UMODL1: variants seen among roughly 807,000 people sequenced by gnomAD.
UMODL1 encodes the protein uromodulin like 1, also known as uromodulin-like 1.
Under a neutral mutation model 136.3 loss-of-function variants are expected in UMODL1, and 128 were observed. That is an observed-to-expected ratio of 0.94 (90% CI 0.81 to 1.09). The LOEUF (loss-of-function observed/expected upper bound fraction) is 1.09, where lower values mean the gene tolerates loss of function less well. UMODL1 is among the 50% of genes least tolerant of loss of function. UMODL1 has a pLI of 0.00. For synonymous variants in UMODL1, 721 were observed against 720.0 expected, an observed-to-expected ratio of 1.00 and a Z score of -0.02; for missense variants, 1,766 against 1,725.6, an observed-to-expected ratio of 1.02 and a Z score of -0.41.
At chr21:42,108,972 A>ACT (rs1204744349) in intron 9 of UMODL1, among the ~76,000 whole-genome samples, 8 of 65,056 alleles carry the variant, frequency 1.2e-4, no homozygotes, top group East Asian at 5.7e-4. Context: ...CCTGGCATGT[A>ACT]AAGCTGGTGT....
upstream of UMODL1, among the ~76,000 whole-genome samples, chr21:42,069,963 A>G (rs2066215360): frequency 6.6e-6 from 1 of 152,188 alleles, no homozygotes. Flanking sequence ...GGTTTTCTAT[A>G]AAAGCTGCTG....
At chr21:42,100,048 T>A (rs220319) in intron 7 of UMODL1, among the ~76,000 whole-genome samples, 47,007 of 152,048 alleles carry the variant, frequency 0.31, 7,773 homozygotes, top group Middle Eastern at 0.39. Context: ...TCTGCCCGTG[T>A]CTTGCTCCCC....
chr21:42,070,540 C>A (rs2066220659), upstream of UMODL1, among the ~76,000 whole-genome samples: 1 of 152,198 alleles, frequency 6.6e-6, no homozygotes, highest in African/African-American at 2.4e-5. Context: ...ACAGAGTTGT[C>A]ACTTTCATGG....
At chr21:42,139,263 G>C (rs775081202) in intron 22 of UMODL1, among the ~76,000 whole-genome samples, 1 of 152,184 alleles carries the variant, frequency 6.6e-6, no homozygotes, top group Non-Finnish European at 1.5e-5. Context: ...ATGCGGCTTC[G>C]GCTTCTGGGG....
chr21:42,118,504 G>A (rs893725213), intron 14 of UMODL1, among the ~76,000 whole-genome samples: 41 of 152,314 alleles, frequency 2.7e-4, no homozygotes, highest in Admixed American at 9.8e-4. Flanking sequence ...ATCATATAGC[G>A]TGTGGTGTGT....
Position 42,075,956 on chromosome 21 carries a change from G to A in UMODL1, c.77-49G>A, listed in dbSNP as rs73905530. ...ACGCCTTGCGGATAACCGCTCGCAC[G>A]GATCTGATCCTGGTGTTCTCAGTCG... On this transcript the variant is annotated intron_variant, in intron 1 of 22. Coordinates refer to ENST00000408910, the MANE Select transcript of UMODL1 (RefSeq NM_001004416.3). 12,366 of 1,602,696 alleles carry A rather than the reference G, an allele frequency of 7.7e-3. 870 individuals carry two copies. In the African/African-American group the frequency reaches 0.15, roughly 19 times the overall value.
rs764083380 is a variant in UMODL1 at position 42,076,095 on chromosome 21, C to A, written c.167C>A (p.Thr56Lys). The A allele has an allele frequency of 8.7e-6, 14 of 1,614,264 alleles. No homozygotes were observed. The highest frequency in any genetic ancestry group is 1.1e-5 in the Non-Finnish European group (13 of 1,180,048). ...GTGGAGGCCGTGCAGACGTCCTACACGTCCTATGTGTCCTGCGGCGGCTGG... is the reference window on the plus strand; with the variant it reads ...GTGGAGGCCGTGCAGACGTCCTACAAGTCCTATGTGTCCTGCGGCGGCTGG... ...QKVEAVQTSY[T>K]SYVSCGGWIP... Residue 56 changes from threonine to lysine, a missense_variant, in exon 2 of 23, where the codon ACG (threonine) becomes AAG (lysine). Physicochemically the swap from Thr to Lys is moderately conservative, Grantham distance 78 (BLOSUM62 -1). Transcript: ENST00000408910.
At chr21:42,074,269 C>T (rs941033096) in intron 1 of UMODL1, among the ~76,000 whole-genome samples, 4 of 152,228 alleles carry the variant, frequency 2.6e-5, no homozygotes, top group Non-Finnish European at 5.9e-5. Context: ...TACCTTCTCC[C>T]TGTGTGCCTG....
At chr21:42,078,913 A>G (rs1301630101) in intron 2 of UMODL1, among the ~76,000 whole-genome samples, 1 of 152,190 alleles carries the variant, frequency 6.6e-6, no homozygotes, top group Admixed American at 6.5e-5. Context: ...CGAGGGCCAC[A>G]CACACAGAGG....
At position 42,119,349 on chromosome 21, in the gene UMODL1, C is replaced by T. The variant is rs756882366; in HGVS notation, c.2689+25C>T. ...GGTACGAGAGGCTGGGATGGAGCCT[C>T]TCCCGTGTTCTGGAACCAGAGGCAG... On this transcript the variant is annotated intron_variant, in intron 15 of 22. Transcript: ENST00000408910. 11 of 1,604,676 alleles carry T rather than the reference C, an allele frequency of 6.9e-6. No homozygotes were observed. In the African/African-American group the frequency reaches 1.5e-4, roughly 21 times the overall value.
At chr21:42,110,504 A>G (rs1214207842) in intron 10 of UMODL1, among the ~76,000 whole-genome samples, 2 of 152,202 alleles carry the variant, frequency 1.3e-5, no homozygotes, top group South Asian at 2.1e-4. Flanking sequence ...ATCCAGCACC[A>G]AGTCCCACAT....
chr21:42,103,831 CGTT>C, intron 8 of UMODL1, 34 bp from the exon 9 acceptor site: 1 of 1,610,502 alleles, frequency 6.2e-7, no homozygotes, highest in Admixed American at 1.7e-5. Flanking sequence ...GTCGTGAAGA[CGTT>C]GATGGATGTC....
Position 42,131,874 on chromosome 21 carries a change from C to T in UMODL1, c.3775+2077C>T, listed in dbSNP as rs73905568. On this transcript the variant is annotated intron_variant, in intron 21 of 22. Coordinates refer to ENST00000408910, the MANE Select transcript of UMODL1 (RefSeq NM_001004416.3). The stretch of plus-strand genomic sequence containing the variant: ...CATTTTCTTAATTTCCTGGGAAGAA[C>T]GGGTCAGCCTATTTCTTTCACCCTA... Among the ~76,000 whole-genome samples, 741 of 152,260 alleles carry T rather than the reference C, an allele frequency of 4.9e-3. 8 individuals carry two copies. The highest frequency in any genetic ancestry group is 0.016 in the African/African-American group (685 of 41,518).
intron 22 of UMODL1, among the ~76,000 whole-genome samples, chr21:42,138,870 C>T (rs184851812): frequency 3.0e-4 from 45 of 152,262 alleles, no homozygotes; most frequent in African/African-American, 8.9e-4. Flanking sequence ...CCACCGTGCC[C>T]GGCCAAATTT....
chr21:42,066,426 G>C (rs1037464973), upstream of UMODL1, among the ~76,000 whole-genome samples: 1 of 152,200 alleles, frequency 6.6e-6, no homozygotes, highest in African/African-American at 2.4e-5. Flanking sequence ...AGGATTACAG[G>C]TGTGTGTCAC....
chr21:42,115,401 G>A (rs117021139), intron 13 of UMODL1, among the ~76,000 whole-genome samples: 5,472 of 152,332 alleles, frequency 0.036, 135 homozygotes, highest in Non-Finnish European at 0.053. Context: ...CTCCAAACAA[G>A]ACCCCTGGGC....
At chr21:42,124,466 G>T (rs2067024653) in intron 17 of UMODL1, among the ~76,000 whole-genome samples, 1 of 152,204 alleles carries the variant, frequency 6.6e-6, no homozygotes, top group Non-Finnish European at 1.5e-5. Flanking sequence ...CAAGGGCCAT[G>T]CCGGGGGTGG....
intron 1 of UMODL1, among the ~76,000 whole-genome samples, chr21:42,066,316 T>G (rs1359927304): frequency 1.3e-5 from 2 of 152,282 alleles, no homozygotes; most frequent in African/African-American, 4.8e-5. Flanking sequence ...GGAGTCTCGC[T>G]CTGTCGCCCA....
upstream of UMODL1, among the ~76,000 whole-genome samples, chr21:42,069,269 A>ACAC (rs1171449440): frequency 4.1e-4 from 19 of 46,644 alleles, no homozygotes; most frequent in Non-Finnish European, 8.7e-4. Flanking sequence ...CACACACACA[A>ACAC]ACAGCAGGGG....
Sources: gnomAD v4.1 joint callset for allele counts (sites outside exome capture counted in the v4.1 genomes callset) on GRCh38, gnomAD v4.1.1 for gene constraint, MANE v1.5 for transcripts, NCBI Gene and HGNC (gene_info 2026-07-23, HGNC 2026-07-21) for gene names.